Variants in ZNF236 observed in about 807,000 individuals in gnomAD.
The protein encoded by ZNF236 is regulated by glucose.
ZNF236 carries 50 observed loss-of-function variants against 191.2 expected under a neutral mutation model. The observed-to-expected ratio is 0.26, with a 90% confidence interval of 0.21 to 0.33. The LOEUF is 0.33. ZNF236 is among the 10% of genes least tolerant of loss of function. ZNF236 has a pLI of 1.00. For synonymous variants in ZNF236, 907 were observed against 928.8 expected, an observed-to-expected ratio of 0.98 and a Z score of 0.43; for missense variants, 1,754 against 2,374.5, an observed-to-expected ratio of 0.74 and a Z score of 5.43.
chr18:76,953,357 G>T (rs1968452899), intron 27 of ZNF236, among the ~76,000 whole-genome samples: 1 of 152,210 alleles, frequency 6.6e-6, no homozygotes, highest in Non-Finnish European at 1.5e-5. Flanking sequence ...GGAGAAAAGA[G>T]CCGACACTTG....
intron 1 of ZNF236, among the ~76,000 whole-genome samples, chr18:76,827,721 C>T (rs1035308641): frequency 2.6e-5 from 4 of 152,190 alleles, no homozygotes; most frequent in Admixed American, 6.5e-5. Flanking sequence ...GTAGTCAGGA[C>T]GTGAGAAGTG....
rs145169176 is a variant in ZNF236 at position 76,920,336 on chromosome 18, A to T, written c.3557+278A>T. 9.6e-3 allele frequency among the ~76,000 whole-genome samples: 1,464 copies of T among 152,180 alleles called. 22 individuals are homozygous for T. Among genetic ancestry groups the T allele is most frequent in the African/African-American group, 0.033 (1,377 of 41,518 alleles). ...GAGGCTGAGGCGGGAGGATCACCTG[A>T]GGTTGGGAGTTTGAGACCAGCCTGA... On this transcript the variant is annotated intron_variant, in intron 20 of 30. Coordinates refer to ENST00000320610, the MANE Select transcript of ZNF236 (RefSeq NM_001306089.2).
chr18:76,908,963 CTG>C (rs10524379), intron 14 of ZNF236, among the ~76,000 whole-genome samples: 2,402 of 147,162 alleles, frequency 0.016, 35 homozygotes, highest in African/African-American at 0.034. Context: ...ATGTGTGTGT[CTG>C]TGTGTGTGTG....
chr18:76,903,026 GA>G (rs1977644066), intron 11 of ZNF236, among the ~76,000 whole-genome samples: 1 of 152,238 alleles, frequency 6.6e-6, no homozygotes, highest in African/African-American at 2.4e-5. Context: ...TGTGAGATGA[GA>G]AAAGGCTTGG....
chr18:76,917,379 C>T (rs145138691), intron 19 of ZNF236, among the ~76,000 whole-genome samples: 126 of 152,274 alleles, frequency 8.3e-4, no homozygotes, highest in Non-Finnish European at 1.6e-3. Flanking sequence ...TCTTTCCTGT[C>T]AATTAATAAA....
intron 30 of ZNF236, among the ~76,000 whole-genome samples, chr18:76,962,548 T>G (rs1968690571): frequency 6.6e-6 from 1 of 152,246 alleles, no homozygotes; most frequent in East Asian, 1.9e-4. Context: ...GAGCTCTTTT[T>G]TGATTCCATA....
At position 76,927,854 on chromosome 18, in the gene ZNF236, AT is replaced by A; in HGVS notation, c.4415-68del. 9.0e-7 allele frequency: 1 copy of A among 1,114,420 alleles called. No individual in the cohort carries two copies. The highest frequency in any genetic ancestry group is 1.2e-6 in the Non-Finnish European group (1 of 806,204). 69.0% of individuals were successfully genotyped at this position (1,114,420 alleles called of 1,614,324 possible). On this transcript the variant is annotated intron_variant, in intron 24 of 30. Transcript: ENST00000320610. This position sits in a 1 kb window ranked among gnomAD's most constrained non-coding sequence, Gnocchi z 5.4. ...TATGTAATAACAGTTTAATTAAAAT[AT>A]TTTTAATATAAAAACAGGGGAAATT...
At position 76,972,220 on chromosome 18, in the gene ZNF236, G is replaced by A. The variant is rs1968916803; in HGVS notation, c.*3881G>A. On this transcript the variant is annotated 3_prime_UTR_variant, in exon 31 of 31. Coordinates refer to ENST00000320610, the MANE Select transcript of ZNF236 (RefSeq NM_001306089.2). ...CTAATGAAAAGATCGTACGCCAAAGGCCACTGAGCTGGCATCTTCTTCATT... is the reference window on the plus strand; with the variant it reads ...CTAATGAAAAGATCGTACGCCAAAGACCACTGAGCTGGCATCTTCTTCATT... Among the ~76,000 whole-genome samples the A allele has an allele frequency of 6.6e-6, 1 of 152,234 alleles. No individual in the cohort carries two copies. Among genetic ancestry groups the A allele is most frequent in the Admixed American group, 6.5e-5 (1 of 15,284 alleles).
intron 26 of ZNF236, among the ~76,000 whole-genome samples, chr18:76,944,202 A>G (rs538175918): frequency 6.0e-4 from 91 of 152,290 alleles, no homozygotes; most frequent in African/African-American, 1.8e-3. Context: ...CCCAGCTGCC[A>G]GGGCCAACAG....
At chr18:76,962,972 C>G (rs1023751608) in intron 30 of ZNF236, among the ~76,000 whole-genome samples, 1 of 152,108 alleles carries the variant, frequency 6.6e-6, no homozygotes, top group Non-Finnish European at 1.5e-5. Context: ...TAGGAGCTTT[C>G]TGGAAGAGTC....
At chr18:76,923,698 C>T (rs546607414) in intron 21 of ZNF236, among the ~76,000 whole-genome samples, 1 of 152,234 alleles carries the variant, frequency 6.6e-6, no homozygotes, top group South Asian at 2.1e-4. Flanking sequence ...TCTGCCTCTG[C>T]CTGCTTGGGA....
intron 1 of ZNF236, among the ~76,000 whole-genome samples, chr18:76,833,214 G>T (rs1975223380): frequency 6.6e-6 from 1 of 151,792 alleles, no homozygotes; most frequent in Non-Finnish European, 1.5e-5. Context: ...CTAGCTCATT[G>T]TACTGGCTAG....
chr18:76,879,069 C>G (rs1023516367), intron 7 of ZNF236, among the ~76,000 whole-genome samples: 1 of 152,046 alleles, frequency 6.6e-6, no homozygotes, highest in Non-Finnish European at 1.5e-5. Flanking sequence ...CTATTTTGGT[C>G]TGAATTTTTT....
intron 3 of ZNF236, among the ~76,000 whole-genome samples, chr18:76,853,031 G>A (rs889919736): frequency 1.3e-5 from 2 of 151,784 alleles, no homozygotes; most frequent in African/African-American, 2.4e-5. Context: ...AAATCAGGGA[G>A]CACCTTTATA....
intron 9 of ZNF236, among the ~76,000 whole-genome samples, chr18:76,882,950 C>G (rs1260644030): frequency 6.6e-6 from 1 of 152,218 alleles, no homozygotes; most frequent in Non-Finnish European, 1.5e-5. Context: ...CCACGGGCTA[C>G]TGTCTCTAGT....
chr18:76,898,935 G>T, intron 10 of ZNF236, 84 bp from the exon 11 acceptor site: 1 of 1,172,844 alleles, frequency 8.5e-7, no homozygotes. Context: ...ATCAGTATTG[G>T]AAATAATAAC....
At chr18:76,893,599 C>A (rs1977312539) in intron 9 of ZNF236, among the ~76,000 whole-genome samples, 1 of 152,194 alleles carries the variant, frequency 6.6e-6, no homozygotes, top group South Asian at 2.1e-4. Flanking sequence ...CTCCTATGTC[C>A]TGGGCTCAAG....
intron 1 of ZNF236, chr18:76,824,547 T>G: frequency 1.4e-6 from 1 of 735,268 alleles, no homozygotes; most frequent in East Asian, 2.5e-5. Context: ...TTTAATTGTT[T>G]TGTTAGTATG....
chr18:76,957,248 C>G (rs1968546590), intron 28 of ZNF236, among the ~76,000 whole-genome samples: 1 of 152,180 alleles, frequency 6.6e-6, no homozygotes, highest in South Asian at 2.1e-4. Flanking sequence ...GAATTCCTGT[C>G]CCAGAAACTG....
Sources: gnomAD v4.1 joint callset for allele counts (sites outside exome capture counted in the v4.1 genomes callset) on GRCh38, gnomAD v4.1.1 for gene constraint, Gnocchi (gnomAD v3.1) non-coding constraint, MANE v1.5 for transcripts, NCBI Gene and HGNC (gene_info 2026-07-23, HGNC 2026-07-21) for gene names.